Variants in BRD1 observed in about 807,000 individuals in gnomAD.
BRD1 encodes the protein bromodomain-containing protein 1.
In BRD1, 24 loss-of-function variants were observed where a neutral mutation model predicts 107.7. The observed-to-expected ratio is 0.22, with a 90% confidence interval of 0.16 to 0.31. BRD1 has a LOEUF of 0.31. Ranked by LOEUF, BRD1 falls within the 10% of genes least tolerant of loss-of-function variation. BRD1 has a pLI of 1.00. For synonymous variants in BRD1, 744 were observed against 686.1 expected, an observed-to-expected ratio of 1.08 and a Z score of -1.32; for missense variants, 1,279 against 1,638.6, an observed-to-expected ratio of 0.78 and a Z score of 3.79.
At chr22:49,810,620 A>G (rs2059831894) in intron 2 of BRD1, among the ~76,000 whole-genome samples, 1 of 152,244 alleles carries the variant, frequency 6.6e-6, no homozygotes, top group African/African-American at 2.4e-5. Flanking sequence ...AACTCTTATG[A>G]CAACAGTAAG....
At chr22:49,789,105 C>T (rs1389454714) in intron 7 of BRD1, among the ~76,000 whole-genome samples, 1 of 152,154 alleles carries the variant, frequency 6.6e-6, no homozygotes, top group African/African-American at 2.4e-5. Flanking sequence ...CTTAGAGCAC[C>T]TCACAGCCAA....
rs757188736 is a variant in BRD1, at chr22:49,797,847, G to T, written c.2056C>A (p.Arg686=). The T allele has an allele frequency of 3.1e-6, 5 of 1,610,382 alleles. No homozygotes were observed. The highest frequency in any genetic ancestry group is 1.1e-5 in the South Asian group (1 of 91,018). The change falls in exon 6 of 13, where the codon CGG becomes AGG. Residue 686 remains arginine, a synonymous_variant. Coordinates refer to ENST00000404760, the MANE Select transcript of BRD1 (RefSeq NM_001304808.3). ...GGCCGCCGCGGTGCCGCAGCAGGCC[G>T]CTCAGGCAGGTGCATCCCCGAGGCC... is the stretch of plus-strand genomic sequence containing the variant. ...EEASGMHLPE[R]PAAAPRRPFS...
In BRD1 at chr22:49,787,635, G is replaced by A. The variant is rs1299519805; in HGVS notation, c.2612C>T (p.Ala871Val). ...TCTGTTTACATCGCTTGCTGGCTCC[G>A]CCACCGCGGAGGCCGCCGCCGCCGG... ...DVPAAAASAV[A>V]EPASDVNRRT... Residue 871 changes from alanine (A) to valine (V), a missense_variant, in exon 8 of 13, where the codon GCG (alanine) becomes GTG (valine). Coordinates refer to ENST00000404760, the MANE Select transcript of BRD1 (RefSeq NM_001304808.3). 16 of 1,550,694 alleles carry A rather than the reference G, an allele frequency of 1.0e-5. No homozygotes were observed. The highest frequency in any genetic ancestry group is 4.1e-5 in the African/African-American group (3 of 73,072).
At chr22:49,790,186 G>A (rs2059406867) in intron 7 of BRD1, among the ~76,000 whole-genome samples, 1 of 152,118 alleles carries the variant, frequency 6.6e-6, no homozygotes, top group Admixed American at 6.5e-5. Flanking sequence ...CCCCCAGCCG[G>A]GACCACAGAG....
intron 3 of BRD1, 106 bp downstream of exon 3, chr22:49,804,098 C>G: frequency 1.0e-6 from 1 of 994,782 alleles, no homozygotes; most frequent in South Asian, 2.2e-5. Context: ...CAACGGGGAG[C>G]CTGAGCCCAG....
intron 12 of BRD1, among the ~76,000 whole-genome samples, chr22:49,774,706 A>G (rs2059047661): frequency 6.6e-6 from 1 of 152,264 alleles, no homozygotes; most frequent in Non-Finnish European, 1.5e-5. Flanking sequence ...ACATGCACAC[A>G]CCAAGCCCAG....
In BRD1 at chr22:49,791,592, A is replaced by G. The variant is rs138846; in HGVS notation, c.2359+2442T>C. On this transcript the variant is annotated intron_variant, in intron 7 of 12. Transcript: ENST00000404760. ...TCTGATTCTTGGTTTTCATCCTATT[A>G]TAAGTATCGTAAGTCACATTTCTAT... 2.4e-3 allele frequency among the ~76,000 whole-genome samples: 371 copies of G among 152,326 alleles called. 2 individuals are homozygous for G. The highest frequency in any genetic ancestry group is 4.4e-3 in the Non-Finnish European group (301 of 68,024).
chr22:49,793,192 T>G (rs982465952), intron 7 of BRD1, among the ~76,000 whole-genome samples: 3 of 152,188 alleles, frequency 2.0e-5, no homozygotes, highest in Non-Finnish European at 4.4e-5. Context: ...TGGCAATGAC[T>G]TTCTATCAAC....
chr22:49,776,000 G>A, intron 11 of BRD1, 50 bp downstream of exon 11: 5 of 1,534,472 alleles, frequency 3.3e-6, no homozygotes, highest in Non-Finnish European at 4.4e-6. Flanking sequence ...CCGCCCCGCA[G>A]CTGTGTGAGC....
chr22:49,821,361 CA>C (rs1569139422), intron 2 of BRD1, among the ~76,000 whole-genome samples: 1 of 152,186 alleles, frequency 6.6e-6, no homozygotes, highest in African/African-American at 2.4e-5. Flanking sequence ...GCTCTTAATA[CA>C]AACCCTAGAC....
chr22:49,795,847 C>T (rs2059520747), intron 6 of BRD1, among the ~76,000 whole-genome samples: 1 of 152,184 alleles, frequency 6.6e-6, no homozygotes, highest in African/African-American at 2.4e-5. Context: ...GCCCTGGGCT[C>T]ACTCTGAGGC....
At chr22:49,802,870 G>A (rs1177114481) in intron 3 of BRD1, among the ~76,000 whole-genome samples, 4 of 152,198 alleles carry the variant, frequency 2.6e-5, no homozygotes, top group South Asian at 2.1e-4. Flanking sequence ...CGGAAGATGC[G>A]GTTAACTCAT....
intron 3 of BRD1, among the ~76,000 whole-genome samples, chr22:49,800,762 TC>T: frequency 6.6e-6 from 1 of 152,288 alleles, no homozygotes; most frequent in East Asian, 1.9e-4. Context: ...GCTCGATATT[TC>T]CCATGTAAAA....
chr22:49,775,876 TCG>T, intron 11 of BRD1, 131 bp from the exon 12 acceptor site: 1 of 633,672 alleles, frequency 1.6e-6, no homozygotes, highest in Non-Finnish European at 1.9e-6. Context: ...CACGCCCCCC[TCG>T]CCGAACCACC....
intron 2 of BRD1, chr22:49,817,638 A>T (rs1337360049): frequency 2.7e-5 from 6 of 226,278 alleles, no homozygotes; most frequent in Non-Finnish European, 6.0e-5. Context: ...CACCACTAAC[A>T]AAGGGACCGG....
At chr22:49,801,565 G>C (rs1180304903) in intron 3 of BRD1, among the ~76,000 whole-genome samples, 2 of 152,206 alleles carry the variant, frequency 1.3e-5, no homozygotes, top group African/African-American at 4.8e-5. Flanking sequence ...CACAGAGGCA[G>C]GTTTCCAGGC....
intron 6 of BRD1, among the ~76,000 whole-genome samples, chr22:49,796,512 A>T (rs1654624052): frequency 6.6e-6 from 1 of 151,754 alleles, no homozygotes; most frequent in Admixed American, 6.6e-5. Flanking sequence ...ATGCGCCACC[A>T]TGCCCGGCTA....
chr22:49,820,721 C>T, intron 2 of BRD1: 1 of 152,568 alleles, frequency 6.6e-6, no homozygotes, highest in Non-Finnish European at 1.5e-5. Flanking sequence ...AACAGGGCTG[C>T]CAGATCAGCT....
At chr22:49,809,698 G>A (rs193080239) in intron 2 of BRD1, among the ~76,000 whole-genome samples, 188 of 152,236 alleles carry the variant, frequency 1.2e-3, no homozygotes, top group African/African-American at 4.3e-3. Flanking sequence ...GAAACACCAT[G>A]ACTGGAGTGA....
Sources: gnomAD v4.1 joint callset for allele counts (sites outside exome capture counted in the v4.1 genomes callset) on GRCh38, gnomAD v4.1.1 for gene constraint, MANE v1.5 for transcripts, NCBI Gene and HGNC (gene_info 2026-07-23, HGNC 2026-07-21) for gene names.